The following ARNT variants were observed in gnomAD, a reference collection of about 807,000 sequenced individuals.
The protein encoded by ARNT is class E basic helix-loop-helix protein 2.
A neutral mutation model predicts 105.0 loss-of-function variants in ARNT; 30 were observed. The ratio of observed to expected loss-of-function variants is 0.29; its 90% CI spans 0.21 to 0.39. The LOEUF is 0.39. Among genes scored for constraint, ARNT ranks in the 10% least tolerant of loss-of-function variants. ARNT has a pLI of 1.00. For missense variants in ARNT, 748 were observed against 978.7 expected (o/e 0.76, Z 3.15); for synonymous variants, 304 against 344.0 (o/e 0.88, Z 1.29).
chr1:150,842,280 C>T, intron 5 of ARNT, 144 bp downstream of exon 5: 2 of 1,339,400 alleles, frequency 1.5e-6, no homozygotes, highest in Non-Finnish European at 1.9e-6. Context: ...TCCTGTTACA[C>T]TCAAACTTCT....
chr1:150,829,332 G>A, intron 11 of ARNT, 105 bp from the exon 12 acceptor site: 1 of 1,265,350 alleles, frequency 7.9e-7, no homozygotes, highest in Non-Finnish European at 1.1e-6. Context: ...CCCAGTTTTA[G>A]GACTTTCTAA....
chr1:150,830,118 G>C, intron 10 of ARNT, 138 bp from the exon 11 acceptor site: 3 of 890,266 alleles, frequency 3.4e-6, no homozygotes, highest in Non-Finnish European at 5.1e-6. Flanking sequence ...CAACACTTTG[G>C]GAAGCCAAGG....
chr1:150,816,978 T>C, intron 17 of ARNT, 88 bp from the exon 18 acceptor site: 1 of 1,602,816 alleles, frequency 6.2e-7, no homozygotes, highest in Non-Finnish European at 8.5e-7. Context: ...GGTGGTATTA[T>C]GATTAAGTGG....
intron 3 of ARNT, among the ~76,000 whole-genome samples, chr1:150,850,223 TA>T (rs1663067272): frequency 6.6e-6 from 1 of 152,122 alleles, no homozygotes; most frequent in Non-Finnish European, 1.5e-5. Context: ...CTGTTTCTAC[TA>T]AAAATACAAA....
chr1:150,842,361 A>C, intron 5 of ARNT, 63 bp downstream of exon 5: 1 of 1,575,190 alleles, frequency 6.3e-7, no homozygotes, highest in East Asian at 2.3e-5. Flanking sequence ...AGAAAGAGTA[A>C]GAAAAAGGAT....
intron 2 of ARNT, chr1:150,853,222 A>G: frequency 3.0e-6 from 1 of 329,604 alleles, no homozygotes; most frequent in Admixed American, 4.3e-5. Context: ...TGGAGGTTTC[A>G]GTGAGCCAAG....
At chr1:150,862,103 C>T (rs1472174996) in intron 1 of ARNT, among the ~76,000 whole-genome samples, 1 of 152,120 alleles carries the variant, frequency 6.6e-6, no homozygotes, top group Non-Finnish European at 1.5e-5. Context: ...CAATATATTG[C>T]TATGGCAATA....
chr1:150,833,272 C>G (rs587771863), intron 8 of ARNT, among the ~76,000 whole-genome samples: 1 of 152,092 alleles, frequency 6.6e-6, no homozygotes, highest in Non-Finnish European at 1.5e-5. Flanking sequence ...GGGAGGCTGA[C>G]GCAGGCGAAT....
At position 150,846,667 on chromosome 1, in the gene ARNT, C is replaced by T. The variant is rs868155117; in HGVS notation, c.183-360G>A. 2.6e-5 allele frequency among the ~76,000 whole-genome samples: 4 copies of T among 152,028 alleles called. No homozygotes were observed. The South Asian group carries it at 6.2e-4, about 24-fold the overall frequency. On this transcript the variant is annotated intron_variant, in intron 3 of 21. Transcript: ENST00000358595. ...TTACTGTATACCATTTTTAAGTGTACAGTTGAGTAGTGCTAACCATATTCA... is the reference window on the plus strand; with the variant it reads ...TTACTGTATACCATTTTTAAGTGTATAGTTGAGTAGTGCTAACCATATTCA...
chr1:150,837,062 T>C (rs1660462244), intron 6 of ARNT, among the ~76,000 whole-genome samples: 1 of 151,646 alleles, frequency 6.6e-6, no homozygotes, highest in Admixed American at 6.6e-5. Flanking sequence ...CAAGAGACCC[T>C]GTCTCAAAAA....
At chr1:150,813,126 T>G in intron 21 of ARNT, 46 bp downstream of exon 21, 1 of 1,591,260 alleles carries the variant, frequency 6.3e-7, no homozygotes, top group South Asian at 1.1e-5. Flanking sequence ...TCCTGGACCC[T>G]TTCTCTCCCA....
At chr1:150,816,500 C>T in intron 18 of ARNT, 94 bp from the exon 19 acceptor site, 1 of 1,413,780 alleles carries the variant, frequency 7.1e-7, no homozygotes. Context: ...CCTAGATCCC[C>T]TTGACTTCCT....
intron 14 of ARNT, among the ~76,000 whole-genome samples, chr1:150,820,563 G>A (rs1419040483): frequency 6.6e-6 from 1 of 152,140 alleles, no homozygotes; most frequent in Non-Finnish European, 1.5e-5. Flanking sequence ...GGACTGAGGT[G>A]GGAGGATCAC....
chr1:150,834,881 T>C (rs1660017806), intron 7 of ARNT: 1 of 436,402 alleles, frequency 2.3e-6, no homozygotes, highest in South Asian at 2.5e-5. Context: ...CAAGGAAAAG[T>C]AGGAGTGGAA....
intron 16 of ARNT, 62 bp from the exon 17 acceptor site, chr1:150,817,264 A>G (rs1434685048): frequency 4.3e-6 from 7 of 1,612,144 alleles, no homozygotes; most frequent in Admixed American, 1.7e-5. Context: ...AATAACCCTA[A>G]AATTCATATA....
chr1:150,818,010 C>T lies in ARNT; in HGVS notation c.1415G>A (p.Arg472Gln), dbSNP rs1418204868. The T allele has an allele frequency of 6.2e-6, 10 of 1,609,116 alleles. No homozygotes were observed. The highest frequency in any genetic ancestry group is 2.2e-5 in the East Asian group (1 of 44,712). ...CTGGATTGTGTTGGAGAGTGTAGGC[C>T]GTGGTTCTTGGCTAGAGTTCCTAGG... ...TNVKNSSQEP[R>Q]PTLSNTIQRP... Residue 472 changes from arginine to glutamine, a missense_variant, in exon 15 of 22, where the codon CGG (arginine) becomes CAG (glutamine). Coordinates refer to ENST00000358595, the MANE Select transcript of ARNT (RefSeq NM_001668.4).
At position 150,858,386 on chromosome 1, in the gene ARNT, C is replaced by T. The variant is rs1447316068; in HGVS notation, c.100G>A (p.Gly34Arg). ...GNSGPGIQGGGAIVQRAIKRR... is the reference protein window; with the variant it reads ...GNSGPGIQGGRAIVQRAIKRR... ...TTAATAGCCCTCTGGACAATGGCTC[C>T]TCCACCTTGAATTCCAGGTCCAGAG... Residue 34 changes from glycine to arginine, a missense_variant, in exon 2 of 22, where the codon GGA (glycine) becomes AGA (arginine). Gly to Arg is a moderately radical substitution (Grantham distance 125, BLOSUM62 -2). Around this residue, in one of 4 missense-constraint regions of ARNT, gnomAD observed 93 missense variants for 101.6 expected, o/e 0.92. Coordinates refer to ENST00000358595, the MANE Select transcript of ARNT (RefSeq NM_001668.4). The T allele has an allele frequency of 1.2e-6, 2 of 1,609,480 alleles. No homozygotes were observed. Among genetic ancestry groups the T allele is most frequent in the Non-Finnish European group, 1.7e-6 (2 of 1,177,876 alleles).
At chr1:150,827,183 G>A (rs1217188610) in intron 12 of ARNT, among the ~76,000 whole-genome samples, 1 of 152,050 alleles carries the variant, frequency 6.6e-6, no homozygotes, top group East Asian at 1.9e-4. Flanking sequence ...ATAAATTTTA[G>A]ATAAAATTTA....
intron 1 of ARNT, among the ~76,000 whole-genome samples, chr1:150,873,522 C>T (rs1247306349): frequency 6.6e-6 from 1 of 152,172 alleles, no homozygotes; most frequent in Non-Finnish European, 1.5e-5. Context: ...TACTCTTCTT[C>T]TAATGCAGCA....
Sources: allele counts gnomAD v4.1 joint callset (sites outside exome capture counted in the v4.1 genomes callset), GRCh38; gene constraint gnomAD v4.1.1; regional missense constraint gnomAD v4.1.1; transcripts MANE v1.5; gene names NCBI Gene and HGNC (gene_info 2026-07-23, HGNC 2026-07-21).